The following SVIL variants were observed in gnomAD, a reference collection of about 807,000 sequenced individuals.
The protein encoded by SVIL is supervillin, also known as archvillin.
SVIL carries 101 observed loss-of-function variants against 240.4 expected under a neutral mutation model. That is an observed-to-expected ratio of 0.42 (90% CI 0.36 to 0.50). The LOEUF (loss-of-function observed/expected upper bound fraction) is 0.50. Ranked by LOEUF, SVIL falls within the 20% of genes least tolerant of loss-of-function variation. The pLI, the probability that SVIL is intolerant of heterozygous loss-of-function variation, is 0.01. For synonymous variants in SVIL, 999 were observed against 1,100.0 expected (o/e 0.91, Z 1.82); for missense variants, 2,512 against 2,818.7 (o/e 0.89, Z 2.46).
intron 16 of SVIL, among the ~76,000 whole-genome samples, chr10:29,513,299 G>A (rs1477985303): frequency 1.3e-5 from 2 of 152,164 alleles, no homozygotes; most frequent in Non-Finnish European, 2.9e-5. Flanking sequence ...GGCCAGGCAC[G>A]GTGGCTTCCG....
intron 6 of SVIL, among the ~76,000 whole-genome samples, chr10:29,541,819 C>T (rs911187670): frequency 6.6e-5 from 10 of 152,018 alleles, no homozygotes; most frequent in African/African-American, 1.4e-4. Context: ...ACTCAGTTCA[C>T]GACGCTCCAC....
chr10:29,608,568 C>T (rs988656097), intron 1 of SVIL, among the ~76,000 whole-genome samples: 3 of 152,260 alleles, frequency 2.0e-5, no homozygotes, highest in African/African-American at 7.2e-5. Flanking sequence ...GGCAGAGGTG[C>T]CTGTTCCCAC....
At chr10:29,549,005 A>C (rs553244602) in intron 6 of SVIL, among the ~76,000 whole-genome samples, 2 of 152,172 alleles carry the variant, frequency 1.3e-5, no homozygotes, top group South Asian at 4.2e-4. Context: ...CAAAAGCCAA[A>C]ATTGACAAAT....
intron 6 of SVIL, among the ~76,000 whole-genome samples, chr10:29,538,958 G>C (rs1395320954): frequency 6.6e-6 from 1 of 152,150 alleles, no homozygotes; most frequent in Non-Finnish European, 1.5e-5. Context: ...GAGGCCAGGA[G>C]TTCGAGCCAG....
At position 29,554,807 on chromosome 10, in the gene SVIL, TG is replaced by T; in HGVS notation, c.135del (p.Ser46AlafsTer22). On this transcript the variant is annotated frameshift_variant, in exon 5 of 38. Transcript: ENST00000355867. LOFTEE classifies it high-confidence loss of function. Reference sequence around the variant, plus strand: ...CCGATGTGGGGGCTGGCAGGGTCGCTGGCTCTCATGTATCGAGGGGTGTCTT... The same window carrying T: ...CCGATGTGGGGGCTGGCAGGGTCGCTGCTCTCATGTATCGAGGGGTGTCTT... The part of the protein sequence containing the change: ...LEEDTPRYMR[A>X]SDPASPHIGR... 1 of 1,608,236 alleles carries T rather than the reference TG, an allele frequency of 6.2e-7. No individual in the cohort carries two copies. The highest frequency in any genetic ancestry group is 8.5e-7 in the Non-Finnish European group (1 of 1,177,312).
In SVIL at chr10:29,656,189, T is replaced by C. The variant is rs542800404; in HGVS notation, c.-201+1780A>G. 3.3e-5 allele frequency among the ~76,000 whole-genome samples: 5 copies of C among 152,062 alleles called. No homozygotes were observed. The South Asian group carries it at 1.0e-3, about 32-fold the overall frequency. ...TGGCCGAGTGTGAGTGTTTTTTTTT[T>C]TTTTAAAAACATGAAGAGGCATTCG... On this transcript the variant is annotated intron_variant, in intron 3 of 35. Coordinates refer to the SVIL transcript ENST00000375400.
chr10:29,538,351 C>A (rs1209643711), intron 6 of SVIL, among the ~76,000 whole-genome samples: 2 of 152,164 alleles, frequency 1.3e-5, no homozygotes, highest in Admixed American at 6.5e-5. Flanking sequence ...GCTTATTACA[C>A]CTGAAATATG....
At chr10:29,624,788 A>G (rs191848400) in intron 1 of SVIL, among the ~76,000 whole-genome samples, 4 of 152,206 alleles carry the variant, frequency 2.6e-5, no homozygotes, top group African/African-American at 9.7e-5. Context: ...ATACCACGGT[A>G]ATTTGTTCTC....
intron 1 of SVIL, among the ~76,000 whole-genome samples, chr10:29,732,618 G>A (rs1008249706): frequency 4.6e-5 from 7 of 152,086 alleles, no homozygotes; most frequent in African/African-American, 1.7e-4. Context: ...CATGTTTAAG[G>A]AAATATTTTT....
intron 2 of SVIL, among the ~76,000 whole-genome samples, chr10:29,685,774 G>C (rs1290882972): frequency 6.6e-6 from 1 of 152,170 alleles, no homozygotes; most frequent in Non-Finnish European, 1.5e-5. Flanking sequence ...GGAGGAGAGT[G>C]TAATGAGGCA....
chr10:29,664,424 G>A (rs975570172), intron 2 of SVIL, among the ~76,000 whole-genome samples: 1 of 152,106 alleles, frequency 6.6e-6, no homozygotes, highest in South Asian at 2.1e-4. Context: ...TATAGCAGGA[G>A]ACCTCTGGCT....
At position 29,702,150 on chromosome 10, in the gene SVIL, G is replaced by C. The variant is rs185539784; in HGVS notation, c.-399-15499C>G. 1.1e-4 allele frequency among the ~76,000 whole-genome samples: 16 copies of C among 139,850 alleles called. No individual in the cohort carries two copies. In the East Asian group the frequency reaches 3.4e-3, roughly 30 times the overall value. 91.7% of individuals were successfully genotyped at this position (139,850 alleles called of 152,430 possible). A position where few individuals can be genotyped will look rare whatever the true frequency, so the allele number is the denominator to read the frequency against. ...AGGTCACACCACTGCACTCCAGCCTGGGTAATAGAGCGAGACTCCATCTCC... is the reference window on the plus strand; with the variant it reads ...AGGTCACACCACTGCACTCCAGCCTCGGTAATAGAGCGAGACTCCATCTCC... On this transcript the variant is annotated intron_variant, in intron 1 of 35. Transcript: ENST00000375400.
At chr10:29,474,864 G>A (rs1946019345) in intron 29 of SVIL, among the ~76,000 whole-genome samples, 1 of 152,218 alleles carries the variant, frequency 6.6e-6, no homozygotes, top group African/African-American at 2.4e-5. Context: ...GAAAGGAGGA[G>A]ATAGGTTGCT....
intron 2 of SVIL, among the ~76,000 whole-genome samples, chr10:29,670,310 C>T (rs1959666813): frequency 6.6e-6 from 1 of 152,122 alleles, no homozygotes; most frequent in African/African-American, 2.4e-5. Context: ...GCGATATATT[C>T]CATTAGAGAA....
chr10:29,725,569 G>A (rs887717505), intron 1 of SVIL, among the ~76,000 whole-genome samples: 2 of 152,086 alleles, frequency 1.3e-5, no homozygotes, highest in African/African-American at 4.8e-5. Flanking sequence ...TCCTAAAGAG[G>A]AAGTGACTCT....
intron 1 of SVIL, among the ~76,000 whole-genome samples, chr10:29,585,918 C>G (rs28379862): frequency 1.7e-4 from 26 of 152,382 alleles, no homozygotes; most frequent in East Asian, 3.9e-4. Flanking sequence ...GGTCACTGCC[C>G]CATCCTGAAC....
intron 1 of SVIL, among the ~76,000 whole-genome samples, chr10:29,587,786 C>T (rs1019963075): frequency 4.6e-5 from 7 of 152,148 alleles, no homozygotes; most frequent in African/African-American, 7.2e-5. Context: ...CTGCATATCC[C>T]GGATGCTTAA....
At chr10:29,461,888 C>A (rs1421543583) in intron 36 of SVIL, among the ~76,000 whole-genome samples, 1 of 152,180 alleles carries the variant, frequency 6.6e-6, no homozygotes, top group Non-Finnish European at 1.5e-5. Flanking sequence ...CTCCTCTACA[C>A]AAGGTTAACA....
intron 1 of SVIL, among the ~76,000 whole-genome samples, chr10:29,707,203 G>T (rs1215621318): frequency 6.6e-6 from 1 of 152,198 alleles, no homozygotes; most frequent in Non-Finnish European, 1.5e-5. Flanking sequence ...GATGGGAATA[G>T]CATTGAATCT....
Sources: allele counts gnomAD v4.1 joint callset (sites outside exome capture counted in the v4.1 genomes callset), GRCh38; gene constraint gnomAD v4.1.1; transcripts MANE v1.5; gene names NCBI Gene and HGNC (gene_info 2026-07-23, HGNC 2026-07-21).